The following ADAMTS5 variants were observed in gnomAD, a reference collection of about 807,000 sequenced individuals.
ADAMTS5 encodes the protein ADAM metallopeptidase with thrombospondin type 1 motif 5, also known as A disintegrin and metalloproteinase with thrombospondin motifs 5.
ADAMTS5 carries 54 observed loss-of-function variants against 81.4 expected under a neutral mutation model. That is an observed-to-expected ratio of 0.66 (90% CI 0.53 to 0.83). ADAMTS5 has a LOEUF of 0.83. Ranked by LOEUF, ADAMTS5 falls within the 40% of genes least tolerant of loss-of-function variation. ADAMTS5 has a pLI of 0.00. For synonymous variants in ADAMTS5, 532 were observed against 508.8 expected, an observed-to-expected ratio of 1.05 and a Z score of -0.61; for missense variants, 1,194 against 1,229.9, an observed-to-expected ratio of 0.97 and a Z score of 0.44.
At position 26,919,923 on chromosome 21, in the gene ADAMTS5, G is replaced by A. The variant is rs1986658672; in HGVS notation, c.*4130C>T. The stretch of plus-strand genomic sequence containing the variant: ...TTGTCTTGAATTTGGTTCTATTAAA[G>A]CTTTAAATGACCATTTCTGTACACA... On this transcript the variant is annotated 3_prime_UTR_variant, in exon 8 of 8. Transcript: ENST00000284987. 1 of 151,968 alleles carries A rather than the reference G, an allele frequency of 6.6e-6. No homozygotes were observed. Among genetic ancestry groups the A allele is most frequent in the African/African-American group, 2.4e-5 (1 of 41,388 alleles). The allele number at this position is 151,968 out of a possible 1,614,324, so 9.4% of individuals were successfully genotyped here.
chr21:26,939,611 C>T (rs143755859), intron 3 of ADAMTS5: 10 of 152,274 alleles, frequency 6.6e-5, no homozygotes, highest in Admixed American at 2.0e-4. Context: ...CAAAACCATC[C>T]ATAGATTTTC....
In ADAMTS5 at chr21:26,966,645, G is replaced by GA. The variant is rs1372183651; in HGVS notation, c.-255dup. On this transcript the variant is annotated 5_prime_UTR_variant, in exon 1 of 8. Transcript: ENST00000284987. Reference sequence around the variant, plus strand: ...GAAAGAGGTGGGGTGGGGGGGGGGGGAAAGAAAAGATTAAAAAAAAAAAGT... The same window carrying GA: ...GAAAGAGGTGGGGTGGGGGGGGGGGGAAAAGAAAAGATTAAAAAAAAAAAGT... 1 of 62,200 alleles carries GA rather than the reference G, an allele frequency of 1.6e-5. No homozygotes were observed. Among genetic ancestry groups the GA allele is most frequent in the Non-Finnish European group, 3.2e-5 (1 of 31,238 alleles). The allele number at this position is 62,200 out of a possible 1,614,324, so 3.9% of individuals were successfully genotyped here.
At chr21:26,958,423 G>A (rs1051022766) in intron 1 of ADAMTS5, among the ~76,000 whole-genome samples, 2 of 152,102 alleles carry the variant, frequency 1.3e-5, no homozygotes, top group South Asian at 2.1e-4. Context: ...GATTCTTGAG[G>A]AGTCCTTTGC....
At chr21:26,927,237 T>C (rs1185313356) in intron 7 of ADAMTS5, among the ~76,000 whole-genome samples, 1 of 152,230 alleles carries the variant, frequency 6.6e-6, no homozygotes, top group Non-Finnish European at 1.5e-5. Context: ...TTCATTTATA[T>C]TCAAGCATGC....
chr21:26,947,941 CT>C (rs1212387735), intron 2 of ADAMTS5, among the ~76,000 whole-genome samples: 44 of 152,100 alleles, frequency 2.9e-4, no homozygotes, highest in African/African-American at 1.0e-3. Context: ...GTCTATAGGA[CT>C]GAGAGTTTGA....
intron 7 of ADAMTS5, among the ~76,000 whole-genome samples, chr21:26,926,379 A>G (rs1986806106): frequency 1.3e-5 from 2 of 152,256 alleles, no homozygotes; most frequent in African/African-American, 2.4e-5. Flanking sequence ...GTTAGGCTTA[A>G]AAGCCAGGCT....
Position 26,923,283 on chromosome 21 carries a change from C to T in ADAMTS5, c.*770G>A, listed in dbSNP as rs1013025208. 2 of 152,046 alleles carry T rather than the reference C, an allele frequency of 1.3e-5. No homozygotes were observed. Among genetic ancestry groups the T allele is most frequent in the Non-Finnish European group, 2.9e-5 (2 of 68,006 alleles). The allele number at this position is 152,046 out of a possible 1,614,324, so 9.4% of individuals were successfully genotyped here. On this transcript the variant is annotated 3_prime_UTR_variant, in exon 8 of 8. Coordinates refer to ENST00000284987, the MANE Select transcript of ADAMTS5 (RefSeq NM_007038.5). Reference sequence around the variant, plus strand: ...ACACACGCAAACCCTACTTCTACATCTGAAATTATGCATTAATTTGGCTAG... The same window carrying T: ...ACACACGCAAACCCTACTTCTACATTTGAAATTATGCATTAATTTGGCTAG...
In ADAMTS5 at chr21:26,954,784, C is replaced by T. The variant is rs1410802636; in HGVS notation, c.1192G>A (p.Glu398Lys). The change falls in exon 2 of 8, where the codon GAA becomes AAA. Residue 398 changes from glutamate (E) to lysine (K), a missense_variant. By Grantham distance (56) the Glu-to-Lys change is moderately conservative (BLOSUM62 1). Transcript: ENST00000284987. Reference sequence around the variant, plus strand: ...AAGGCTGCGTGGAGGCCATCGTCTTCAATCACAGCACAGCTGCGCTCTGGA... The same window carrying T: ...AAGGCTGCGTGGAGGCCATCGTCTTTAATCACAGCACAGCTGCGCTCTGGA... ...CSPERSCAVIEDDGLHAAFTV... is the reference protein window; with the variant it reads ...CSPERSCAVIKDDGLHAAFTV... The T allele has an allele frequency of 1.2e-6, 2 of 1,614,140 alleles. No homozygotes were observed. The highest frequency in any genetic ancestry group is 3.3e-5 in the Admixed American group (2 of 60,008).
chr21:26,965,598 C>G lies in ADAMTS5; in HGVS notation c.794G>C (p.Arg265Pro). The G allele has an allele frequency of 6.2e-7, 1 of 1,603,226 alleles. No individual in the cohort carries two copies. The highest frequency in any genetic ancestry group is 1.1e-5 in the South Asian group (1 of 90,532). ...CAGAAGCAGCTCCACCTGGCGGGCC[C>G]GGGAGATGGAGCGGCGCCGCCGCCG... ...WWRRRRRSIS[R>P]ARQVELLLVA... Residue 265 changes from arginine to proline, a missense_variant, in exon 1 of 8, where the codon CGG becomes CCG. This residue lies in a region of ADAMTS5 where 498 missense variants were observed against 412.3 expected (regional missense o/e 1.21). Transcript: ENST00000284987.
chr21:26,924,651 G>A (rs778570319), intron 7 of ADAMTS5, 31 bp from the exon 8 acceptor site: 155 of 1,528,208 alleles, frequency 1.0e-4, no homozygotes, highest in Middle Eastern at 7.0e-4. Context: ...AGGAAGTGGG[G>A]GAAGGTGGTT....
intron 2 of ADAMTS5, among the ~76,000 whole-genome samples, chr21:26,949,503 T>A (rs571051014): frequency 6.6e-6 from 1 of 152,150 alleles, no homozygotes; most frequent in South Asian, 2.1e-4. Flanking sequence ...TACTAGACAC[T>A]CTTTATGTGG....
intron 3 of ADAMTS5, 85 bp downstream of exon 3, chr21:26,943,295 G>C (rs2123186325): frequency 7.8e-7 from 1 of 1,284,558 alleles, no homozygotes; most frequent in South Asian, 1.5e-5. Flanking sequence ...AGGGCAAGAT[G>C]AATATTATGA....
intron 7 of ADAMTS5, among the ~76,000 whole-genome samples, chr21:26,928,729 T>A (rs768171970): frequency 1.3e-4 from 20 of 151,222 alleles, no homozygotes; most frequent in Non-Finnish European, 2.7e-4. Flanking sequence ...CTTTCTTCTA[T>A]CTCTCTTTCT....
At chr21:26,936,323 T>C (rs896028760) in intron 3 of ADAMTS5, among the ~76,000 whole-genome samples, 7 of 152,232 alleles carry the variant, frequency 4.6e-5, no homozygotes, top group Admixed American at 3.9e-4. Context: ...CTTCTCACTG[T>C]GATACTGTAA....
intron 7 of ADAMTS5, among the ~76,000 whole-genome samples, chr21:26,929,164 A>G (rs1601000037): frequency 1.3e-5 from 2 of 152,194 alleles, no homozygotes; most frequent in South Asian, 4.1e-4. Context: ...GTTACAGACA[A>G]CACAGCACGT....
At chr21:26,957,283 T>C (rs753099026) in intron 1 of ADAMTS5, among the ~76,000 whole-genome samples, 1 of 152,242 alleles carries the variant, frequency 6.6e-6, no homozygotes, top group African/African-American at 2.4e-5. Flanking sequence ...GAATACTTTC[T>C]TAAATTCTTA....
In ADAMTS5 at chr21:26,921,916, T is replaced by A. The variant is rs1274720733; in HGVS notation, c.*2137A>T. The A allele has an allele frequency of 6.6e-6, 1 of 152,190 alleles. No individual in the cohort carries two copies. The highest frequency in any genetic ancestry group is 1.5e-5 in the Non-Finnish European group (1 of 67,962). 9.4% of individuals were successfully genotyped at this position (152,190 alleles called of 1,614,324 possible). A position where few individuals can be genotyped will look rare whatever the true frequency, so the allele number is the denominator to read the frequency against. ...CATTTATGCCTCGAGTATTTTTTAA[T>A]GTTGTTGGGAATATAACCACAAAAA... On this transcript the variant is annotated 3_prime_UTR_variant, in exon 8 of 8. Coordinates refer to ENST00000284987, the MANE Select transcript of ADAMTS5 (RefSeq NM_007038.5).
intron 6 of ADAMTS5, among the ~76,000 whole-genome samples, chr21:26,931,638 T>C (rs1266261245): frequency 7.2e-5 from 11 of 152,198 alleles, no homozygotes; most frequent in Admixed American, 6.5e-4. Flanking sequence ...CATAGAAAAA[T>C]AGAAAAAGTT....
chr21:26,961,650 A>G (rs1959111257), intron 1 of ADAMTS5, among the ~76,000 whole-genome samples: 1 of 152,218 alleles, frequency 6.6e-6, no homozygotes, highest in African/African-American at 2.4e-5. Flanking sequence ...TATCCCTCAC[A>G]GTTTATTGTA....
Sources: gnomAD v4.1 joint callset for allele counts (sites outside exome capture counted in the v4.1 genomes callset) on GRCh38, gnomAD v4.1.1 for gene constraint, gnomAD v4.1.1 regional missense constraint, MANE v1.5 for transcripts, NCBI Gene and HGNC (gene_info 2026-07-23, HGNC 2026-07-21) for gene names.